FRMD4B: variants seen among roughly 807,000 people sequenced by gnomAD.
The protein encoded by FRMD4B is FERM domain-containing protein 4B.
FRMD4B carries 74 observed loss-of-function variants against 141.5 expected under a neutral mutation model. That is an observed-to-expected ratio of 0.52 (90% confidence interval 0.43 to 0.63). The LOEUF (loss-of-function observed/expected upper bound fraction) is 0.63, where lower values mean the gene tolerates loss of function less well. Among genes scored for constraint, FRMD4B ranks in the 30% least tolerant of loss-of-function variants. The pLI, the probability that FRMD4B is intolerant of heterozygous loss-of-function variation, is 0.00. For missense variants in FRMD4B, 1,366 were observed against 1,253.4 expected (o/e 1.09, Z -1.36); for synonymous variants, 506 against 467.9 (o/e 1.08, Z -1.05).
intron 1 of FRMD4B, among the ~76,000 whole-genome samples, chr3:69,460,985 A>C (rs1279955693): frequency 6.6e-6 from 1 of 152,224 alleles, no homozygotes; most frequent in African/African-American, 2.4e-5. Flanking sequence ...AATAATTCTC[A>C]TATTCTTTCA....
chr3:69,522,745 C>T (rs1436602337), intron 1 of FRMD4B, among the ~76,000 whole-genome samples: 14 of 152,110 alleles, frequency 9.2e-5, no homozygotes, highest in African/African-American at 3.1e-4. Context: ...CTTCTGCACC[C>T]CCATCTCCAG....
chr3:69,504,985 T>G lies in FRMD4B; in HGVS notation c.-129+37221A>C, dbSNP rs112167435. 3.3e-5 allele frequency among the ~76,000 whole-genome samples: 5 copies of G among 152,306 alleles called. No individual in the cohort carries two copies. In the South Asian group the frequency reaches 8.3e-4, roughly 25 times the overall value. On this transcript the variant is annotated intron_variant, in intron 1 of 5. Transcript: ENST00000459638. ...TCTTCCTTGTGATGCCTGGAGATAT[T>G]TGCAATTTTTAATCTTCTAAAGCAA...
At chr3:69,485,784 G>A (rs1006164463) in intron 1 of FRMD4B, among the ~76,000 whole-genome samples, 8 of 152,314 alleles carry the variant, frequency 5.3e-5, no homozygotes, top group Middle Eastern at 3.4e-3. Flanking sequence ...CACCTGGTGC[G>A]ACGCAGCCCA....
chr3:69,358,143 A>G (rs941049557), intron 1 of FRMD4B, among the ~76,000 whole-genome samples: 1 of 152,150 alleles, frequency 6.6e-6, no homozygotes, highest in South Asian at 2.1e-4. Context: ...TCTTTTATCA[A>G]TCTGTATGTC....
rs79922793 is a variant in FRMD4B at position 69,492,731 on chromosome 3, C to T, written c.-129+49475G>A. On this transcript the variant is annotated intron_variant, in intron 1 of 5. Coordinates refer to the FRMD4B transcript ENST00000459638. ...AATTACCCTTAGTGCTCCATTTAGG[C>T]GGTCATGATTTTTGACAAACTCTAA... 5.9e-3 allele frequency among the ~76,000 whole-genome samples: 903 copies of T among 152,282 alleles called. 44 individuals carry two copies. The East Asian group carries it at 0.13, about 22-fold the overall frequency.
rs949568843 is a variant in FRMD4B, at chr3:69,169,277, C to T, written c.*2584G>A. 6.6e-6 allele frequency among the ~76,000 whole-genome samples: 1 copy of T among 151,348 alleles called. No homozygotes were observed. The highest frequency in any genetic ancestry group is 1.5e-5 in the Non-Finnish European group (1 of 67,888). On this transcript the variant is annotated 3_prime_UTR_variant, in exon 23 of 23. Transcript: ENST00000398540. ...ATAACGTAGTTTAATTGGTTTAATA[C>T]CAATGCGGTTGAGAAATGTTTTTCA...
At chr3:69,478,559 G>T (rs1421301831) in intron 1 of FRMD4B, among the ~76,000 whole-genome samples, 2 of 152,176 alleles carry the variant, frequency 1.3e-5, no homozygotes, top group African/African-American at 4.8e-5. Flanking sequence ...ATTGCACTGT[G>T]GTCTGAGAGA....
intron 1 of FRMD4B, among the ~76,000 whole-genome samples, chr3:69,456,351 C>T (rs1407325552): frequency 6.6e-6 from 1 of 152,122 alleles, no homozygotes; most frequent in South Asian, 2.1e-4. Flanking sequence ...AATTCATATG[C>T]CTTTTGACTC....
intron 1 of FRMD4B, among the ~76,000 whole-genome samples, chr3:69,437,379 A>C (rs1251807550): frequency 6.6e-6 from 1 of 150,854 alleles, no homozygotes; most frequent in Admixed American, 6.6e-5. Context: ...GCCAATTGTA[A>C]TTTTTAAATT....
intron 19 of FRMD4B, among the ~76,000 whole-genome samples, chr3:69,186,992 A>G (rs2092775193): frequency 6.6e-6 from 1 of 152,184 alleles, no homozygotes; most frequent in African/African-American, 2.4e-5. Context: ...TACCTGAGAT[A>G]TTTGAGAAAA....
intron 1 of FRMD4B, among the ~76,000 whole-genome samples, chr3:69,469,075 T>A (rs2106939943): frequency 6.6e-6 from 1 of 152,194 alleles, no homozygotes; most frequent in East Asian, 1.9e-4. Flanking sequence ...TCCTACCAAA[T>A]CCCTTTAAAA....
intron 11 of FRMD4B, among the ~76,000 whole-genome samples, chr3:69,208,431 C>T (rs887503743): frequency 2.0e-5 from 3 of 152,106 alleles, no homozygotes; most frequent in African/African-American, 7.2e-5. Context: ...TACTCCAGAC[C>T]TCAAGTGATC....
chr3:69,243,174 T>A (rs532036361), intron 7 of FRMD4B, among the ~76,000 whole-genome samples: 2 of 152,284 alleles, frequency 1.3e-5, no homozygotes, highest in Admixed American at 1.3e-4. Context: ...CAGACTGTCA[T>A]CTATTTAAAG....
At chr3:69,326,304 C>T (rs1702190000) in intron 1 of FRMD4B, among the ~76,000 whole-genome samples, 1 of 152,106 alleles carries the variant, frequency 6.6e-6, no homozygotes, top group Non-Finnish European at 1.5e-5. Flanking sequence ...AGTTGACAAT[C>T]AACCCGCCAG....
intron 1 of FRMD4B, among the ~76,000 whole-genome samples, chr3:69,438,955 G>T (rs980555586): frequency 6.6e-6 from 1 of 152,064 alleles, no homozygotes; most frequent in African/African-American, 2.4e-5. Context: ...GAACCACACA[G>T]AATTTATCTT....
At chr3:69,496,658 AG>A (rs1706402729) in intron 1 of FRMD4B, among the ~76,000 whole-genome samples, 1 of 149,402 alleles carries the variant, frequency 6.7e-6, no homozygotes. Context: ...AGAGAGAGAG[AG>A]AGAGAGAGAG....
At chr3:69,476,446 T>A (rs1385257214) in intron 1 of FRMD4B, among the ~76,000 whole-genome samples, 2 of 152,244 alleles carry the variant, frequency 1.3e-5, no homozygotes, top group African/African-American at 4.8e-5. Context: ...CCCAGCACCA[T>A]TTATTAAATA....
chr3:69,327,038 C>G (rs1311303745), intron 1 of FRMD4B, among the ~76,000 whole-genome samples: 1 of 152,048 alleles, frequency 6.6e-6, no homozygotes, highest in Non-Finnish European at 1.5e-5. Context: ...CTAAGAAAAG[C>G]TGAGAGCACA....
chr3:69,358,694 C>A (rs1426378595), intron 1 of FRMD4B, among the ~76,000 whole-genome samples: 3 of 152,138 alleles, frequency 2.0e-5, no homozygotes, highest in Non-Finnish European at 4.4e-5. Flanking sequence ...CAAGACTCTG[C>A]CACTACACTT....
Sources: gnomAD v4.1 joint callset for allele counts (sites outside exome capture counted in the v4.1 genomes callset) on GRCh38, gnomAD v4.1.1 for gene constraint, MANE v1.5 for transcripts, NCBI Gene and HGNC (gene_info 2026-07-23, HGNC 2026-07-21) for gene names.